ACVR2A: variants seen among roughly 807,000 people sequenced by gnomAD.
The protein encoded by ACVR2A is activin A receptor type 2A, also known as activin receptor type-2A.
Under a neutral mutation model 61.4 loss-of-function variants are expected in ACVR2A, and 7 were observed. The observed-to-expected ratio is 0.11, with a 90% CI of 0.06 to 0.21. The LOEUF (loss-of-function observed/expected upper bound fraction) is 0.21, where lower values mean the gene tolerates loss of function less well. ACVR2A is among the 10% of genes least tolerant of loss of function. The probability of loss-of-function intolerance (pLI) is 1.00; values close to 1 mark genes in which losing one functional copy is unlikely to be tolerated. For missense variants in ACVR2A, 322 were observed against 621.7 expected, an observed-to-expected ratio of 0.52 and a Z score of 5.13; for synonymous variants, 193 against 208.3, an observed-to-expected ratio of 0.93 and a Z score of 0.63.
intron 1 of ACVR2A, among the ~76,000 whole-genome samples, chr2:147,887,104 T>A (rs1403583548): frequency 6.6e-6 from 1 of 151,838 alleles, no homozygotes; most frequent in Non-Finnish European, 1.5e-5. Context: ...CCTAGTTACT[T>A]AGGAGGCTGA....
intron 7 of ACVR2A, 78 bp from the exon 8 acceptor site, chr2:147,920,152 C>T: frequency 1.1e-6 from 1 of 906,802 alleles, no homozygotes; most frequent in Non-Finnish European, 1.8e-6. Flanking sequence ...GTACATATTC[C>T]CCCTTTTCTG....
chr2:147,866,817 A>C (rs1685867904), intron 1 of ACVR2A, among the ~76,000 whole-genome samples: 2 of 152,208 alleles, frequency 1.3e-5, no homozygotes, highest in Admixed American at 1.3e-4. Flanking sequence ...TAGGGATATC[A>C]AATAAGTAGT....
chr2:147,854,272 A>G (rs985578824), intron 1 of ACVR2A, among the ~76,000 whole-genome samples: 1 of 152,186 alleles, frequency 6.6e-6, no homozygotes, highest in African/African-American at 2.4e-5. Context: ...TCACTGTTTT[A>G]GCATGCATTA....
chr2:147,886,793 G>A (rs1046736138), intron 1 of ACVR2A, among the ~76,000 whole-genome samples: 42 of 145,108 alleles, frequency 2.9e-4, no homozygotes, highest in African/African-American at 9.6e-4. Flanking sequence ...TTTTTGGGAC[G>A]TTTGTTTTAC....
intron 1 of ACVR2A, among the ~76,000 whole-genome samples, chr2:147,856,526 CTGGTAG>C (rs1685577412): frequency 6.6e-6 from 1 of 151,954 alleles, no homozygotes. Context: ...TTTCTTTTAC[CTGGTAG>C]TGGAGTTTCA....
At chr2:147,852,613 G>A (rs1216323564) in intron 1 of ACVR2A, among the ~76,000 whole-genome samples, 2 of 152,064 alleles carry the variant, frequency 1.3e-5, no homozygotes, top group Admixed American at 6.5e-5. Flanking sequence ...CCCTGATTAA[G>A]GTCTTCTCTC....
chr2:147,923,427 T>A (rs1209838143), intron 9 of ACVR2A, among the ~76,000 whole-genome samples: 10 of 152,054 alleles, frequency 6.6e-5, no homozygotes, highest in Admixed American at 6.6e-4. Context: ...AATTAAGTAG[T>A]TTGCCTACTT....
intron 1 of ACVR2A, among the ~76,000 whole-genome samples, chr2:147,889,059 G>A (rs769016349): frequency 5.3e-5 from 8 of 151,622 alleles, no homozygotes; most frequent in Non-Finnish European, 7.4e-5. Flanking sequence ...TGCAACCACC[G>A]ATATGACCAT....
Position 147,925,456 on chromosome 2 carries a change from C to T in ACVR2A, c.1217-575C>T, listed in dbSNP as rs570597109. On this transcript the variant is annotated intron_variant, in intron 9 of 10. Transcript: ENST00000241416. Reference sequence around the variant, plus strand: ...GAAGGCACATCCTGACTTGTTGGGACCCCTAGTTGGAGAGCCTGTTTGTGA... The same window carrying T: ...GAAGGCACATCCTGACTTGTTGGGATCCCTAGTTGGAGAGCCTGTTTGTGA... Among the ~76,000 whole-genome samples, 48 of 151,980 alleles carry T rather than the reference C, an allele frequency of 3.2e-4. No homozygotes were observed. In the South Asian group the frequency reaches 1.0e-2, roughly 32 times the overall value.
intron 5 of ACVR2A, among the ~76,000 whole-genome samples, chr2:147,916,651 T>C (rs1404158702): frequency 6.6e-6 from 1 of 151,888 alleles, no homozygotes. Flanking sequence ...CATTATGCCA[T>C]AGTGCCTCTT....
At position 147,896,390 on chromosome 2, in the gene ACVR2A, C is replaced by A; in HGVS notation, c.145C>A (p.Pro49Thr). ...KDRTNQTGVEPCYGDKDKRRH... is the reference protein window; with the variant it reads ...KDRTNQTGVETCYGDKDKRRH... ...CAGAACCAATCAAACTGGTGTTGAA[C>A]CGTGTTATGGTGACAAAGATAAACG... is the stretch of plus-strand genomic sequence containing the variant. Residue 49 changes from proline (P) to threonine (T), a missense_variant, in exon 2 of 11, where the codon CCG becomes ACG. Coordinates refer to ENST00000241416, the MANE Select transcript of ACVR2A (RefSeq NM_001616.5). 1 of 1,613,864 alleles carries A rather than the reference C, an allele frequency of 6.2e-7. No homozygotes were observed. Among genetic ancestry groups the A allele is most frequent in the Non-Finnish European group, 8.5e-7 (1 of 1,179,916 alleles).
At chr2:147,880,255 G>A (rs1686267884) in intron 1 of ACVR2A, among the ~76,000 whole-genome samples, 1 of 151,992 alleles carries the variant, frequency 6.6e-6, no homozygotes, top group South Asian at 2.1e-4. Flanking sequence ...TGCTTAGGCT[G>A]GTGTTGAACT....
chr2:147,921,955 A>G (rs760580092), intron 8 of ACVR2A, among the ~76,000 whole-genome samples: 63 of 152,170 alleles, frequency 4.1e-4, no homozygotes, highest in Non-Finnish European at 7.9e-4. Context: ...CACATTTTAT[A>G]TAGTACAAAG....
chr2:147,851,518 T>C (rs1685450139), intron 1 of ACVR2A, among the ~76,000 whole-genome samples: 1 of 152,150 alleles, frequency 6.6e-6, no homozygotes, highest in African/African-American at 2.4e-5. Flanking sequence ...TTGCAGTTTC[T>C]TAAATGTGTA....
Position 147,920,137 on chromosome 2 carries a change from A to G in ACVR2A, c.963-93A>G, listed in dbSNP as rs1052697683. ...CATAATTTTAAGTAACTATTTTTTC[A>G]TAGTGTACATATTCCCCCTTTTCTG... On this transcript the variant is annotated intron_variant, in intron 7 of 10. Coordinates refer to ENST00000241416, the MANE Select transcript of ACVR2A (RefSeq NM_001616.5). 3 of 762,544 alleles carry G rather than the reference A, an allele frequency of 3.9e-6. No individual in the cohort carries two copies. In the African/African-American group the frequency reaches 5.3e-5, roughly 13 times the overall value. The allele number at this position is 762,544 out of a possible 1,614,324, so 47.2% of individuals were successfully genotyped here. A position where few individuals can be genotyped will look rare whatever the true frequency, so the allele number is the denominator to read the frequency against.
In ACVR2A at chr2:147,891,957, T is replaced by A. The variant is rs1481948558; in HGVS notation, c.56-4344T>A. Among the ~76,000 whole-genome samples the A allele has an allele frequency of 3.4e-5, 5 of 146,796 alleles. No homozygotes were observed. The East Asian group carries it at 9.8e-4, about 29-fold the overall frequency. ...ATAAGTGGTGGTAGCAGCCCTTCTT[T>A]TTTTTGTTTTTTTTGTTTTGTTTTG... On this transcript the variant is annotated intron_variant, in intron 1 of 10. Transcript: ENST00000241416.
chr2:147,885,514 G>A (rs776623540), intron 1 of ACVR2A, among the ~76,000 whole-genome samples: 2 of 152,116 alleles, frequency 1.3e-5, no homozygotes, highest in Non-Finnish European at 2.9e-5. Context: ...AAAGAGATAT[G>A]TAAGCAGTTA....
intron 1 of ACVR2A, among the ~76,000 whole-genome samples, chr2:147,848,135 GA>G (rs973137960): frequency 6.6e-6 from 1 of 152,138 alleles, no homozygotes; most frequent in African/African-American, 2.4e-5. Flanking sequence ...AATCTTTTGG[GA>G]TTCTTTTGAA....
At chr2:147,847,421 A>T (rs1407532504) in intron 1 of ACVR2A, among the ~76,000 whole-genome samples, 2 of 152,204 alleles carry the variant, frequency 1.3e-5, no homozygotes, top group Non-Finnish European at 2.9e-5. Context: ...GTGTGATCTG[A>T]CATGTTGGAA....
Sources: gnomAD v4.1 joint callset for allele counts (sites outside exome capture counted in the v4.1 genomes callset) on GRCh38, gnomAD v4.1.1 for gene constraint, MANE v1.5 for transcripts, NCBI Gene and HGNC (gene_info 2026-07-23, HGNC 2026-07-21) for gene names.